The following ADAMTS18 variants were observed in gnomAD, a reference collection of about 807,000 sequenced individuals.
The protein encoded by ADAMTS18 is A disintegrin and metalloproteinase with thrombospondin motifs 18.
In ADAMTS18, 157 loss-of-function variants were observed where a neutral mutation model predicts 165.9. That is an observed-to-expected ratio of 0.95 (90% confidence interval 0.83 to 1.08). The LOEUF is 1.08. ADAMTS18 is among the 50% of genes least tolerant of loss of function. The pLI is 0.00. For synonymous variants in ADAMTS18, 782 were observed against 578.2 expected, an observed-to-expected ratio of 1.35 and a Z score of -5.06; for missense variants, 2,040 against 1,534.0, an observed-to-expected ratio of 1.33 and a Z score of -5.51.
intron 8 of ADAMTS18, 51 bp from the exon 9 acceptor site, chr16:77,356,128 G>T: frequency 1.9e-6 from 3 of 1,612,318 alleles, no homozygotes; most frequent in Non-Finnish European, 2.5e-6. Context: ...CCATTTTTTT[G>T]AAGGATAATC....
intron 15 of ADAMTS18, among the ~76,000 whole-genome samples, chr16:77,320,499 C>A (rs1053170706): frequency 6.6e-6 from 1 of 152,034 alleles, no homozygotes; most frequent in Non-Finnish European, 1.5e-5. Flanking sequence ...ATTAGCTGGA[C>A]ATGGTGGCAG....
chr16:77,420,192 C>T (rs561132930), intron 3 of ADAMTS18, among the ~76,000 whole-genome samples: 15 of 151,218 alleles, frequency 9.9e-5, no homozygotes, highest in African/African-American at 3.6e-4. Flanking sequence ...TGCATACATG[C>T]TGCAACTAGT....
chr16:77,370,246 A>T (rs2056857255), intron 3 of ADAMTS18, among the ~76,000 whole-genome samples: 1 of 152,206 alleles, frequency 6.6e-6, no homozygotes, highest in Non-Finnish European at 1.5e-5. Context: ...GCAATTAGGC[A>T]AGAGAAAGAA....
intron 16 of ADAMTS18, among the ~76,000 whole-genome samples, chr16:77,311,454 G>A (rs944658681): frequency 1.3e-5 from 2 of 152,120 alleles, no homozygotes; most frequent in South Asian, 4.1e-4. Flanking sequence ...AAAGAATACA[G>A]CCATGGATCA....
At chr16:77,402,650 T>C (rs1259817359) in intron 3 of ADAMTS18, among the ~76,000 whole-genome samples, 1 of 152,232 alleles carries the variant, frequency 6.6e-6, no homozygotes, top group Admixed American at 6.5e-5. Context: ...TGCCTTCCCT[T>C]CCCTCATTTG....
chr16:77,303,937 G>A (rs2055635377), intron 16 of ADAMTS18, among the ~76,000 whole-genome samples: 1 of 152,200 alleles, frequency 6.6e-6, no homozygotes, highest in South Asian at 2.1e-4. Context: ...GGCTGAGGCA[G>A]GAGAAGGGCG....
Position 77,386,780 on chromosome 16 carries a change from G to T in ADAMTS18, c.496-19057C>A, listed in dbSNP as rs140267368. ...GCTAAGAAATCCATATATACCCAAA[G>T]ATAGTTTTTCCTCAGTAATTACATT... On this transcript the variant is annotated intron_variant, in intron 3 of 22. Transcript: ENST00000282849. Among the ~76,000 whole-genome samples, 195 of 152,216 alleles carry T rather than the reference G, an allele frequency of 1.3e-3. 1 individual carries two copies. The highest frequency in any genetic ancestry group is 4.3e-3 in the African/African-American group (179 of 41,536).
At chr16:77,431,920 T>C (rs2057745294) in intron 2 of ADAMTS18, among the ~76,000 whole-genome samples, 2 of 152,222 alleles carry the variant, frequency 1.3e-5, no homozygotes, top group South Asian at 4.1e-4. Flanking sequence ...TTTTGATGTT[T>C]AATGGTCTGG....
intron 3 of ADAMTS18, among the ~76,000 whole-genome samples, chr16:77,375,571 C>T (rs1317697830): frequency 6.6e-6 from 1 of 152,152 alleles, no homozygotes; most frequent in Admixed American, 6.5e-5. Context: ...AACTGAGAGA[C>T]TGATGTCTCA....
At chr16:77,425,959 T>C (rs1161153321) in intron 3 of ADAMTS18, among the ~76,000 whole-genome samples, 1 of 151,954 alleles carries the variant, frequency 6.6e-6, no homozygotes, top group African/African-American at 2.4e-5. Context: ...GGCAGGAGAA[T>C]TGCTTGAATC....
intron 22 of ADAMTS18, among the ~76,000 whole-genome samples, chr16:77,286,364 G>A (rs187574015): frequency 3.9e-5 from 6 of 152,100 alleles, no homozygotes; most frequent in African/African-American, 1.2e-4. Flanking sequence ...TTTGTTGTCC[G>A]TTTCCATTTT....
intron 3 of ADAMTS18, among the ~76,000 whole-genome samples, chr16:77,388,397 G>A (rs778269679): frequency 2.0e-5 from 3 of 152,150 alleles, no homozygotes; most frequent in African/African-American, 7.2e-5. Context: ...ACTGTGCCTG[G>A]CCAGAAAGCT....
intron 11 of ADAMTS18, among the ~76,000 whole-genome samples, chr16:77,340,771 C>T (rs1477078692): frequency 1.3e-5 from 2 of 152,044 alleles, no homozygotes; most frequent in African/African-American, 4.8e-5. Context: ...TAGGGTCTCG[C>T]TGTGTTACCT....
Position 77,370,669 on chromosome 16 carries a change from G to T in ADAMTS18, c.496-2946C>A, listed in dbSNP as rs537437120. Among the ~76,000 whole-genome samples, 206 of 152,210 alleles carry T rather than the reference G, an allele frequency of 1.4e-3. 1 individual carries two copies. The highest frequency in any genetic ancestry group is 4.8e-3 in the African/African-American group (198 of 41,522). ...GGAGGCTGAGACAGGAGAATCGCTT[G>T]AACTCAGGAGGCGGAGGTTACAGTG... On this transcript the variant is annotated intron_variant, in intron 3 of 22. Transcript: ENST00000282849.
At chr16:77,339,459 ATCCCCCTT>A (rs1193216328) in intron 11 of ADAMTS18, among the ~76,000 whole-genome samples, 1 of 152,058 alleles carries the variant, frequency 6.6e-6, no homozygotes, top group Non-Finnish European at 1.5e-5. Context: ...AGTACGTTTT[ATCCCCCTT>A]GGAACTTAGA....
intron 3 of ADAMTS18, among the ~76,000 whole-genome samples, chr16:77,398,710 T>TTAG (rs1207807714): frequency 6.6e-6 from 1 of 152,122 alleles, no homozygotes; most frequent in African/African-American, 2.4e-5. Flanking sequence ...CTTGATGACC[T>TTAG]TAGTACACAC....
intron 16 of ADAMTS18, among the ~76,000 whole-genome samples, chr16:77,302,659 C>T (rs71396107): frequency 0.1 from 15,873 of 152,180 alleles, 1,145 homozygotes; most frequent in Admixed American, 0.22. Flanking sequence ...CCAATAAAAA[C>T]GCAAAGAAAA....
chr16:77,419,694 CA>C (rs2057576151), intron 3 of ADAMTS18, among the ~76,000 whole-genome samples: 1 of 152,126 alleles, frequency 6.6e-6, no homozygotes, highest in South Asian at 2.1e-4. Flanking sequence ...TGGGAGCCAG[CA>C]ATTTTGGGGG....
At chr16:77,326,209 C>A (rs907708366) in intron 12 of ADAMTS18, among the ~76,000 whole-genome samples, 171 bp from the exon 13 acceptor site, 7 of 152,148 alleles carry the variant, frequency 4.6e-5, no homozygotes, top group African/African-American at 1.7e-4. Flanking sequence ...CACCTTCCTT[C>A]TTGAATCTAG....
Sources: allele counts gnomAD v4.1 joint callset (sites outside exome capture counted in the v4.1 genomes callset), GRCh38; gene constraint gnomAD v4.1.1; transcripts MANE v1.5; gene names NCBI Gene and HGNC (gene_info 2026-07-23, HGNC 2026-07-21).